SERPINI1: variants seen among roughly 807,000 people sequenced by gnomAD.
The protein encoded by SERPINI1 is serpin family I member 1.
Under a neutral mutation model 41.1 loss-of-function variants are expected in SERPINI1, and 19 were observed. The ratio of observed to expected loss-of-function variants is 0.46; its 90% CI spans 0.32 to 0.68. The LOEUF (loss-of-function observed/expected upper bound fraction) is 0.68, where lower values mean the gene tolerates loss of function less well. Ranked by LOEUF, SERPINI1 falls within the 30% of genes least tolerant of loss-of-function variation. SERPINI1 has a pLI of 0.03. For missense variants in SERPINI1, 460 were observed against 479.2 expected (o/e 0.96, Z 0.37); for synonymous variants, 138 against 156.6 (o/e 0.88, Z 0.89).
chr3:167,742,414 C>T (rs565490486), intron 1 of SERPINI1, among the ~76,000 whole-genome samples: 1 of 152,286 alleles, frequency 6.6e-6, no homozygotes, highest in East Asian at 1.9e-4. Context: ...TTTTTGTTTA[C>T]AGGCTCGATG....
intron 1 of SERPINI1, among the ~76,000 whole-genome samples, chr3:167,753,746 C>A (rs990201572): frequency 6.6e-6 from 1 of 152,082 alleles, no homozygotes; most frequent in Non-Finnish European, 1.5e-5. Flanking sequence ...TAAATCTTGC[C>A]TAGAACCAAT....
chr3:167,792,261 T>C (rs1163649353), intron 3 of SERPINI1, among the ~76,000 whole-genome samples: 2 of 152,136 alleles, frequency 1.3e-5, no homozygotes, highest in African/African-American at 4.8e-5. Context: ...GGTTCTGTAG[T>C]TTGTGTATCA....
In SERPINI1 at chr3:167,742,070, T is replaced by C. The variant is rs138241506; in HGVS notation, c.-19+6247T>C. 9.5e-3 allele frequency among the ~76,000 whole-genome samples: 1,443 copies of C among 151,938 alleles called. 30 individuals carry two copies. In the East Asian group the frequency reaches 0.096, roughly 10 times the overall value. ...TAGATAAGAAGAAAAAGCCTTAAAA[T>C]TTAAAAAATAAATAAGGAAAAAAAT... is the stretch of plus-strand genomic sequence containing the variant. On this transcript the variant is annotated intron_variant, in intron 1 of 8. Coordinates refer to ENST00000446050, the MANE Select transcript of SERPINI1 (RefSeq NM_001122752.2).
In SERPINI1 at chr3:167,822,950, A is replaced by G. The variant is rs758779351; in HGVS notation, c.980-36A>G. ...AGGGCAAAATATTTTCCTATCTCTG[A>G]ATGAAAAAAAAAAATTTCTGATTCT... On this transcript the variant is annotated intron_variant, in intron 6 of 8. Transcript: ENST00000446050. 5.5e-6 allele frequency: 7 copies of G among 1,267,642 alleles called. No individual in the cohort carries two copies. The Admixed American group carries it at 1.2e-4, about 21-fold the overall frequency. The allele number at this position is 1,267,642 out of a possible 1,614,324, so 78.5% of individuals were successfully genotyped here.
intron 1 of SERPINI1, among the ~76,000 whole-genome samples, chr3:167,741,993 G>A (rs1725693071): frequency 1.3e-5 from 2 of 151,918 alleles, no homozygotes; most frequent in Non-Finnish European, 2.9e-5. Context: ...GTTTGTTTTT[G>A]TATTTCAGAG....
chr3:167,791,416 C>T (rs1302071491), intron 3 of SERPINI1, among the ~76,000 whole-genome samples: 1 of 151,958 alleles, frequency 6.6e-6, no homozygotes, highest in Non-Finnish European at 1.5e-5. Context: ...CATCTTTTAC[C>T]TTAAGAAGTG....
chr3:167,797,593 A>G (rs62279601), intron 5 of SERPINI1, among the ~76,000 whole-genome samples: 19,480 of 152,078 alleles, frequency 0.13, 1,506 homozygotes, highest in African/African-American at 0.21. Context: ...TTTCTTGTCT[A>G]TATACAAAAG....
chr3:167,762,873 G>A (rs9819158), intron 1 of SERPINI1, among the ~76,000 whole-genome samples: 28,141 of 151,742 alleles, frequency 0.19, 2,758 homozygotes, highest in Non-Finnish European at 0.21. Context: ...TGTTTAACAG[G>A]CAAAGTAGAT....
intron 3 of SERPINI1, among the ~76,000 whole-genome samples, chr3:167,791,857 C>T (rs1474643384): frequency 2.6e-5 from 4 of 152,244 alleles, no homozygotes; most frequent in African/African-American, 9.6e-5. Flanking sequence ...GGCACAGTGG[C>T]TCATGCCCTG....
At chr3:167,768,805 T>C (rs1225146604) in intron 1 of SERPINI1, among the ~76,000 whole-genome samples, 2 of 152,234 alleles carry the variant, frequency 1.3e-5, no homozygotes, top group African/African-American at 2.4e-5. Flanking sequence ...CAGCACTGGC[T>C]GCTGCAGGAA....
intron 6 of SERPINI1, among the ~76,000 whole-genome samples, chr3:167,809,040 C>T (rs1306054401): frequency 6.6e-6 from 1 of 152,102 alleles, no homozygotes; most frequent in East Asian, 1.9e-4. Context: ...TTCTAAATGT[C>T]TACTATATAA....
intron 1 of SERPINI1, among the ~76,000 whole-genome samples, chr3:167,760,561 TTGTGTGTGTGTGTGTGTGTGTGTGTG>T (rs57003321): frequency 5.0e-5 from 7 of 140,606 alleles, no homozygotes; most frequent in Non-Finnish European, 7.7e-5. Flanking sequence ...TGGCTCCAAA[TTGTGTGTGTGTGTGTGTGTGTGTGTG>T]TGTGTGTGTG....
At chr3:167,811,392 A>G (rs1188032567) in intron 6 of SERPINI1, among the ~76,000 whole-genome samples, 1 of 151,952 alleles carries the variant, frequency 6.6e-6, no homozygotes, top group African/African-American at 2.4e-5. Context: ...AGAAGAAAAA[A>G]AAATTAAAAG....
chr3:167,811,680 T>A (rs1050526287), intron 6 of SERPINI1, among the ~76,000 whole-genome samples: 1 of 118,184 alleles, frequency 8.5e-6, no homozygotes, highest in East Asian at 1.3e-3. Context: ...ATTGCTTTTT[T>A]AATTAAAATT....
chr3:167,798,939 C>A (rs969861496), intron 5 of SERPINI1, among the ~76,000 whole-genome samples: 3 of 152,122 alleles, frequency 2.0e-5, no homozygotes, highest in Non-Finnish European at 4.4e-5. Context: ...CAGCAATATG[C>A]AATATACCCA....
intron 1 of SERPINI1, among the ~76,000 whole-genome samples, chr3:167,787,760 G>A (rs991029018): frequency 1.3e-5 from 2 of 152,136 alleles, no homozygotes; most frequent in Admixed American, 6.5e-5. Context: ...AAGGGGTGAG[G>A]GCAGAGGACG....
intron 4 of SERPINI1, among the ~76,000 whole-genome samples, chr3:167,793,596 A>ATATATTTTTTT: frequency 2.1e-4 from 29 of 140,618 alleles, no homozygotes; most frequent in African/African-American, 6.0e-4. Flanking sequence ...ATATATATAT[A>ATATATTTTTTT]TTTTTAATTA....
At chr3:167,744,850 T>C (rs1435640803) in intron 1 of SERPINI1, among the ~76,000 whole-genome samples, 1 of 113,096 alleles carries the variant, frequency 8.8e-6, no homozygotes, top group Non-Finnish European at 1.7e-5. Flanking sequence ...TATATAACTA[T>C]AGTTATATAT....
intron 1 of SERPINI1, among the ~76,000 whole-genome samples, chr3:167,787,665 A>G (rs529291283): frequency 3.9e-5 from 6 of 152,348 alleles, no homozygotes; most frequent in Non-Finnish European, 5.9e-5. Context: ...GGAGGTGGTG[A>G]GAGTTCATAT....
Sources: allele counts gnomAD v4.1 joint callset (sites outside exome capture counted in the v4.1 genomes callset), GRCh38; gene constraint gnomAD v4.1.1; transcripts MANE v1.5; gene names NCBI Gene and HGNC (gene_info 2026-07-23, HGNC 2026-07-21).